The following CCSER1 variants were observed in gnomAD, a reference collection of about 807,000 sequenced individuals.
The protein encoded by CCSER1 is serine-rich coiled-coil domain-containing protein 1.
Under a neutral mutation model 82.0 loss-of-function variants are expected in CCSER1, and 41 were observed. That is an observed-to-expected ratio of 0.50 (90% CI 0.39 to 0.65). The LOEUF (loss-of-function observed/expected upper bound fraction) is 0.65, where lower values mean the gene tolerates loss of function less well. Among genes scored for constraint, CCSER1 ranks in the 30% least tolerant of loss-of-function variants. The pLI is 0.00. For missense variants in CCSER1, 1,119 were observed against 1,064.2 expected (o/e 1.05, Z -0.72); for synonymous variants, 414 against 383.9 (o/e 1.08, Z -0.92).
chr4:90,988,751 C>G (rs1193326305), intron 9 of CCSER1, among the ~76,000 whole-genome samples: 1 of 151,540 alleles, frequency 6.6e-6, no homozygotes, highest in Non-Finnish European at 1.5e-5. Context: ...GTATTTGTTA[C>G]TGATATTTTC....
At position 90,633,310 on chromosome 4, in the gene CCSER1, C is replaced by T. The variant is rs116865849; in HGVS notation, c.1932+5078C>T. 5.9e-4 allele frequency among the ~76,000 whole-genome samples: 89 copies of T among 152,062 alleles called. 1 individual carries two copies. The East Asian group carries it at 0.016, about 27-fold the overall frequency. On this transcript the variant is annotated intron_variant, in intron 6 of 10. Coordinates refer to ENST00000509176, the MANE Select transcript of CCSER1 (RefSeq NM_001145065.2). Reference sequence around the variant, plus strand: ...CAAAGTAAGTATGTAGTAAATTTCTCCTCTTTAAAAGAAGTGTACAATATG... The same window carrying T: ...CAAAGTAAGTATGTAGTAAATTTCTTCTCTTTAAAAGAAGTGTACAATATG...
At chr4:90,490,200 T>C (rs1767758747) in intron 5 of CCSER1, among the ~76,000 whole-genome samples, 1 of 152,198 alleles carries the variant, frequency 6.6e-6, no homozygotes, top group Admixed American at 6.5e-5. Context: ...CCTGACTTTT[T>C]AATGATTGCC....
At chr4:91,400,252 T>C (rs1172788942) in intron 10 of CCSER1, among the ~76,000 whole-genome samples, 1 of 151,966 alleles carries the variant, frequency 6.6e-6, no homozygotes, top group African/African-American at 2.4e-5. Flanking sequence ...CCTTAAACCT[T>C]TTATTCCATT....
intron 3 of CCSER1, among the ~76,000 whole-genome samples, chr4:90,378,634 G>C (rs1396864253): frequency 2.0e-5 from 3 of 152,110 alleles, no homozygotes; most frequent in African/African-American, 7.2e-5. Flanking sequence ...GCAACTCTGT[G>C]ATATGTCAAA....
chr4:91,466,020 T>G (rs1756879407), intron 10 of CCSER1, among the ~76,000 whole-genome samples: 1 of 152,196 alleles, frequency 6.6e-6, no homozygotes, highest in Non-Finnish European at 1.5e-5. Flanking sequence ...AGCATCATCC[T>G]GATACCAAAG....
chr4:90,731,751 T>A (rs1744784781), intron 7 of CCSER1, among the ~76,000 whole-genome samples: 1 of 152,214 alleles, frequency 6.6e-6, no homozygotes, highest in African/African-American at 2.4e-5. Context: ...TATTTTTGAT[T>A]GATGTAATAC....
intron 4 of CCSER1, among the ~76,000 whole-genome samples, chr4:90,461,135 G>A (rs1352484791): frequency 9.6e-6 from 1 of 104,410 alleles, no homozygotes; most frequent in Admixed American, 9.3e-5. Context: ...GCGGGATCTC[G>A]GCTCACTGCA....
At chr4:90,950,424 A>C (rs556851331) in intron 9 of CCSER1, among the ~76,000 whole-genome samples, 3 of 152,236 alleles carry the variant, frequency 2.0e-5, no homozygotes, top group Non-Finnish European at 2.9e-5. Flanking sequence ...TAAACAAAGA[A>C]CAAAACTGAA....
chr4:90,200,023 C>T (rs531485688), intron 1 of CCSER1, among the ~76,000 whole-genome samples: 1 of 151,480 alleles, frequency 6.6e-6, no homozygotes, highest in East Asian at 2.0e-4. Context: ...ATCCCCTACC[C>T]TGGAGGCACC....
chr4:91,095,250 G>T (rs1724391127), intron 10 of CCSER1, among the ~76,000 whole-genome samples: 1 of 152,140 alleles, frequency 6.6e-6, no homozygotes. Context: ...CTTTTGCTGT[G>T]CGTCACCTTG....
chr4:90,427,507 A>C (rs1449427680), intron 4 of CCSER1, among the ~76,000 whole-genome samples: 1 of 151,468 alleles, frequency 6.6e-6, no homozygotes, highest in Non-Finnish European at 1.5e-5. Context: ...GACTAAAAGT[A>C]ATATACTACA....
At position 91,386,393 on chromosome 4, in the gene CCSER1, A is replaced by C. The variant is rs182766294; in HGVS notation, c.2218-212179A>C. On this transcript the variant is annotated intron_variant, in intron 10 of 10. Coordinates refer to ENST00000509176, the MANE Select transcript of CCSER1 (RefSeq NM_001145065.2). ...TCATGAGTCTATATTAGTATTAAAG[A>C]GATGGCAAATAGATGGATTATTTAA... 3.2e-3 allele frequency among the ~76,000 whole-genome samples: 487 copies of C among 152,228 alleles called. 3 individuals carry two copies. Among genetic ancestry groups the C allele is most frequent in the Non-Finnish European group, 5.2e-3 (352 of 67,956 alleles).
chr4:90,181,019 T>C (rs1733639601), intron 1 of CCSER1, among the ~76,000 whole-genome samples: 1 of 152,152 alleles, frequency 6.6e-6, no homozygotes, highest in East Asian at 1.9e-4. Flanking sequence ...TAATCTTTAC[T>C]TCATGTGTTG....
At chr4:91,214,475 A>G (rs1317981711) in intron 10 of CCSER1, among the ~76,000 whole-genome samples, 1 of 152,112 alleles carries the variant, frequency 6.6e-6, no homozygotes, top group Non-Finnish European at 1.5e-5. Context: ...AGTCTGTTAT[A>G]TTATCTTGAT....
At chr4:91,015,566 TCA>T (rs1739355589) in intron 9 of CCSER1, 1 of 151,938 alleles carries the variant, frequency 6.6e-6, no homozygotes, top group South Asian at 2.1e-4. Flanking sequence ...TTGATTTTTC[TCA>T]CATTCACTTT....
At chr4:90,437,272 C>A (rs1057027079) in intron 4 of CCSER1, among the ~76,000 whole-genome samples, 2 of 147,690 alleles carry the variant, frequency 1.4e-5, no homozygotes, top group Non-Finnish European at 3.0e-5. Flanking sequence ...TGCACACATG[C>A]GCGCGCACAC....
rs553766022 is a variant in CCSER1, at chr4:90,962,679, T to A, written c.2172+39232T>A. On this transcript the variant is annotated intron_variant, in intron 9 of 10. Coordinates refer to ENST00000509176, the MANE Select transcript of CCSER1 (RefSeq NM_001145065.2). The stretch of plus-strand genomic sequence containing the variant: ...TTCAAGCAAGAAATATTTAGTAGGG[T>A]ACTGTACATTAGAGATGACAGAATA... Among the ~76,000 whole-genome samples, 19 of 152,212 alleles carry A rather than the reference T, an allele frequency of 1.2e-4. No homozygotes were observed. In the South Asian group the frequency reaches 3.9e-3, roughly 32 times the overall value.
rs1163587424 is a variant in CCSER1 at position 91,240,166 on chromosome 4, C to T, written c.2217+154172C>T. 3.6e-5 allele frequency among the ~76,000 whole-genome samples: 2 copies of T among 55,892 alleles called. 1 individual carries two copies. Among genetic ancestry groups the T allele is most frequent in the African/African-American group, 2.0e-4 (2 of 10,078 alleles). The allele number at this position is 55,892 out of a possible 152,430, so 36.7% of individuals were successfully genotyped here. ...TCTTGGCTCACTGCAAGCTCCGCCT[C>T]CCAGGTTCACGCCATTCTCTTGCCT... On this transcript the variant is annotated intron_variant, in intron 10 of 10. Transcript: ENST00000509176.
intron 8 of CCSER1, among the ~76,000 whole-genome samples, chr4:90,838,056 C>T (rs575173850): frequency 1.0e-3 from 154 of 151,504 alleles, no homozygotes; most frequent in Non-Finnish European, 1.6e-3. Context: ...TTAATTTAAG[C>T]AATTCAGTAT....
Sources: allele counts gnomAD v4.1 joint callset (sites outside exome capture counted in the v4.1 genomes callset), GRCh38; gene constraint gnomAD v4.1.1; transcripts MANE v1.5; gene names NCBI Gene and HGNC (gene_info 2026-07-23, HGNC 2026-07-21).